ZFHX3: variants seen among roughly 807,000 people sequenced by gnomAD.
The protein encoded by ZFHX3 is zinc finger homeobox protein 3.
In ZFHX3, 42 loss-of-function variants were observed where a neutral mutation model predicts 279.1. That is an observed-to-expected ratio of 0.15 (90% CI 0.12 to 0.19). The LOEUF is 0.19. Ranked by LOEUF, ZFHX3 falls within the 10% of genes least tolerant of loss-of-function variation. ZFHX3 has a pLI of 1.00. For synonymous variants in ZFHX3, 2,293 were observed against 1,957.8 expected, an observed-to-expected ratio of 1.17 and a Z score of -4.52; for missense variants, 4,981 against 4,754.0, an observed-to-expected ratio of 1.05 and a Z score of -1.40.
chr16:72,793,312 C>G lies in ZFHX3; in HGVS notation c.9370G>C (p.Val3124Leu). 1.2e-6 allele frequency: 2 copies of G among 1,614,118 alleles called. No homozygotes were observed. The highest frequency in any genetic ancestry group is 1.7e-6 in the Non-Finnish European group (2 of 1,179,998). The change falls in exon 9 of 10, where the codon GTG (valine) becomes CTG (leucine). Residue 3124 changes from valine to leucine, a missense_variant. By Grantham distance (32) the Val-to-Leu change is conservative. Transcript: ENST00000268489. The surrounding 1 kb of genome is among the most constrained non-coding windows in gnomAD (Gnocchi z 4.3). ...GGGCTGTTGAGGCCCGGGAGCAACA[C>G]AGGAGGAATGCCCTGGAGCGCTGGA... ...AYPALQGIPP[V>L]LLPGLNSPSL... is the part of the protein sequence containing the mutation.
chr16:72,954,468 C>T (rs553861067), intron 2 of ZFHX3, among the ~76,000 whole-genome samples: 2 of 152,290 alleles, frequency 1.3e-5, no homozygotes, highest in East Asian at 3.9e-4. Context: ...GGGTATGCAC[C>T]TAACTCTAAC....
intron 4 of ZFHX3, among the ~76,000 whole-genome samples, chr16:73,299,400 G>A (rs181574254): frequency 1.1e-3 from 164 of 152,328 alleles, no homozygotes; most frequent in African/African-American, 3.2e-3. Flanking sequence ...CATCAAAGCT[G>A]CTGCATTAAA....
chr16:73,667,207 G>A (rs1003471052), intron 2 of ZFHX3, among the ~76,000 whole-genome samples: 4 of 151,924 alleles, frequency 2.6e-5, no homozygotes, highest in Non-Finnish European at 5.9e-5. Flanking sequence ...GCCCAGACTG[G>A]TCTCGAACTC....
chr16:73,363,842 T>G (rs1198855655), intron 3 of ZFHX3, among the ~76,000 whole-genome samples: 1 of 152,180 alleles, frequency 6.6e-6, no homozygotes, highest in Non-Finnish European at 1.5e-5. Context: ...CACCATTAAT[T>G]CTGCCTAACA....
intron 1 of ZFHX3, among the ~76,000 whole-genome samples, chr16:73,868,653 G>A (rs1405559623): frequency 6.6e-6 from 1 of 152,098 alleles, no homozygotes. Context: ...TTCCCCTTAA[G>A]GACAACTCCT....
chr16:73,570,203 A>C (rs907700145), intron 2 of ZFHX3, among the ~76,000 whole-genome samples: 2 of 152,088 alleles, frequency 1.3e-5, no homozygotes, highest in African/African-American at 4.8e-5. Context: ...TGAGTTACCC[A>C]AAAAAAGTTA....
At chr16:73,270,658 G>C (rs2014118039) in intron 4 of ZFHX3, among the ~76,000 whole-genome samples, 1 of 152,210 alleles carries the variant, frequency 6.6e-6, no homozygotes, top group Non-Finnish European at 1.5e-5. Context: ...GATCTGCCCA[G>C]TGGAAGGCAT....
At chr16:73,003,542 TAA>T (rs147999738) in intron 1 of ZFHX3, among the ~76,000 whole-genome samples, 2 of 120,586 alleles carry the variant, frequency 1.7e-5, no homozygotes, top group Non-Finnish European at 1.7e-5. Flanking sequence ...CCCCATCTCT[TAA>T]AAAAAAAAAA....
At chr16:73,807,765 C>T (rs1960319413) in intron 1 of ZFHX3, among the ~76,000 whole-genome samples, 1 of 151,656 alleles carries the variant, frequency 6.6e-6, no homozygotes, top group African/African-American at 2.4e-5. Context: ...GCCACTGCAC[C>T]CAGCCAAAGT....
chr16:73,874,241 G>T (rs1234395441), intron 1 of ZFHX3, among the ~76,000 whole-genome samples: 1 of 152,074 alleles, frequency 6.6e-6, no homozygotes, highest in Non-Finnish European at 1.5e-5. Flanking sequence ...GAAGAAAAAA[G>T]ACTTCAAACG....
At chr16:73,093,271 G>A (rs900572087) in exon 8 of ZFHX3, 1 of 492,476 alleles carries the variant, frequency 2.0e-6, no homozygotes, top group Non-Finnish European at 4.0e-6. Flanking sequence ...AAGGCCACGT[G>A]CCACCCTTTG....
chr16:73,441,891 T>G (rs2018100115), intron 3 of ZFHX3, among the ~76,000 whole-genome samples: 1 of 152,148 alleles, frequency 6.6e-6, no homozygotes, highest in Non-Finnish European at 1.5e-5. Context: ...GAAGCACAAA[T>G]ACAAAAAGCC....
At chr16:72,926,088 C>T (rs1597383612) in intron 3 of ZFHX3, among the ~76,000 whole-genome samples, 1 of 152,316 alleles carries the variant, frequency 6.6e-6, no homozygotes, top group South Asian at 2.1e-4. Flanking sequence ...TTGGAAGTCA[C>T]TGTTTCTTTT....
chr16:73,822,883 A>G (rs985204759), intron 1 of ZFHX3, among the ~76,000 whole-genome samples: 2 of 152,250 alleles, frequency 1.3e-5, no homozygotes, highest in African/African-American at 4.8e-5. Flanking sequence ...TACAAAACCC[A>G]GAGCCAGGGA....
chr16:73,660,559 A>AT (rs965191410), intron 2 of ZFHX3, among the ~76,000 whole-genome samples: 9 of 152,178 alleles, frequency 5.9e-5, no homozygotes, highest in Non-Finnish European at 1.0e-4. Flanking sequence ...AACATTAAAG[A>AT]TTTTTTTAAA....
At chr16:73,061,962 T>C (rs952564356), upstream of ZFHX3, 4 of 152,158 alleles carry the variant, frequency 2.6e-5, no homozygotes, top group Non-Finnish European at 5.9e-5. Context: ...ATCTGGTAAA[T>C]ACTTATGCTA....
chr16:73,387,983 A>C (rs2143388064), intron 3 of ZFHX3, among the ~76,000 whole-genome samples: 1 of 152,088 alleles, frequency 6.6e-6, no homozygotes, highest in Admixed American at 6.5e-5. Context: ...TGAGTGAGAG[A>C]GGGAGATGTC....
At chr16:73,364,293 G>A (rs2016489501) in intron 3 of ZFHX3, among the ~76,000 whole-genome samples, 5 of 150,792 alleles carry the variant, frequency 3.3e-5, no homozygotes, top group Admixed American at 3.3e-4. Context: ...ATTTCTGACT[G>A]GTGTCTTTAA....
intron 7 of ZFHX3, among the ~76,000 whole-genome samples, chr16:72,811,202 CAG>C (rs1308714127): frequency 6.6e-6 from 1 of 152,114 alleles, no homozygotes; most frequent in African/African-American, 2.4e-5. Context: ...ACAACAAAAA[CAG>C]AGTTTGTTAT....
Sources: allele counts gnomAD v4.1 joint callset (sites outside exome capture counted in the v4.1 genomes callset), GRCh38; gene constraint gnomAD v4.1.1; non-coding constraint Gnocchi (gnomAD v3.1); transcripts MANE v1.5; gene names NCBI Gene and HGNC (gene_info 2026-07-23, HGNC 2026-07-21).